The following PAPSS1 variants were observed in gnomAD, a reference collection of about 807,000 sequenced individuals.
PAPSS1 encodes the protein 3'-phosphoadenosine 5'-phosphosulfate synthase 1.
PAPSS1 carries 50 observed loss-of-function variants against 72.0 expected under a neutral mutation model. The ratio of observed to expected loss-of-function variants is 0.69; its 90% CI spans 0.55 to 0.88. The LOEUF (loss-of-function observed/expected upper bound fraction) is 0.88, where lower values mean the gene tolerates loss of function less well. Ranked by LOEUF, PAPSS1 falls within the 40% of genes least tolerant of loss-of-function variation. PAPSS1 has a pLI of 0.00. For missense variants in PAPSS1, 657 were observed against 782.2 expected, an observed-to-expected ratio of 0.84 and a Z score of 1.91; for synonymous variants, 261 against 263.6, an observed-to-expected ratio of 0.99 and a Z score of 0.09.
chr4:107,700,347 G>A (rs568401676), intron 2 of PAPSS1, among the ~76,000 whole-genome samples: 92 of 152,222 alleles, frequency 6.0e-4, no homozygotes, highest in African/African-American at 2.1e-3. Flanking sequence ...AGCATCCATC[G>A]TTTTTAAAGC....
At chr4:107,679,443 A>G (rs1187135371) in intron 5 of PAPSS1, among the ~76,000 whole-genome samples, 1 of 152,198 alleles carries the variant, frequency 6.6e-6, no homozygotes, top group Admixed American at 6.5e-5. Context: ...AGCCAAATCC[A>G]GCTGAGGGCT....
At chr4:107,622,577 G>A (rs1025042205) in intron 11 of PAPSS1, among the ~76,000 whole-genome samples, 1 of 152,194 alleles carries the variant, frequency 6.6e-6, no homozygotes, top group Non-Finnish European at 1.5e-5. Context: ...GTCATCTGTT[G>A]CATTACTGAT....
chr4:107,654,981 G>T (rs1167675141), intron 7 of PAPSS1, 81 bp from the exon 8 acceptor site: 29 of 983,750 alleles, frequency 2.9e-5, no homozygotes, highest in Non-Finnish European at 4.3e-5. Context: ...TCACTTCAGG[G>T]GACACTTTTC....
chr4:107,674,662 T>C (rs1727587739), intron 5 of PAPSS1, among the ~76,000 whole-genome samples: 1 of 152,066 alleles, frequency 6.6e-6, no homozygotes, highest in Non-Finnish European at 1.5e-5. Flanking sequence ...GGAATTGAAC[T>C]CAGCTCTGCA....
rs375259019 is a variant in PAPSS1 at position 107,635,334 on chromosome 4, AT to A, written c.1507-3475del. On this transcript the variant is annotated intron_variant, in intron 10 of 11. Coordinates refer to ENST00000265174, the MANE Select transcript of PAPSS1 (RefSeq NM_005443.5). The stretch of plus-strand genomic sequence containing the variant: ...AAAAAAATCTTAACTTTTATACTGT[AT>A]TTTATTCCCAAGCATTAATATGGTA... 4.9e-3 allele frequency among the ~76,000 whole-genome samples: 753 copies of A among 152,296 alleles called. 4 individuals carry two copies. The highest frequency in any genetic ancestry group is 0.011 in the South Asian group (54 of 4,826).
intron 5 of PAPSS1, among the ~76,000 whole-genome samples, chr4:107,661,396 G>A (rs977964660): frequency 6.6e-6 from 1 of 152,208 alleles, no homozygotes; most frequent in Non-Finnish European, 1.5e-5. Flanking sequence ...TGCACAGGGT[G>A]TTTAAAGCAG....
At chr4:107,625,619 G>T (rs916007963) in intron 11 of PAPSS1, among the ~76,000 whole-genome samples, 4 of 152,156 alleles carry the variant, frequency 2.6e-5, no homozygotes, top group African/African-American at 9.7e-5. Flanking sequence ...ACCCAACCTG[G>T]CCAGAGAACC....
rs1727036504 is a variant in PAPSS1 at position 107,657,143 on chromosome 4, A to G, written c.784-136T>C. On this transcript the variant is annotated intron_variant, in intron 6 of 11. Transcript: ENST00000265174. ...GGATGAGTATAGATTATACCAAACT[A>G]ACAAAGAATAAGGGCACTAGGAAAA... is the stretch of plus-strand genomic sequence containing the variant. 5 of 599,722 alleles carry G rather than the reference A, an allele frequency of 8.3e-6. No individual in the cohort carries two copies. In the East Asian group the frequency reaches 8.4e-5, roughly 10 times the overall value. The allele number at this position is 599,722 out of a possible 1,614,324, so 37.2% of individuals were successfully genotyped here. A position where few individuals can be genotyped will look rare whatever the true frequency, so the allele number is the denominator to read the frequency against.
intron 11 of PAPSS1, among the ~76,000 whole-genome samples, chr4:107,630,763 T>C (rs566286980): frequency 1.3e-5 from 2 of 152,300 alleles, no homozygotes; most frequent in East Asian, 3.9e-4. Flanking sequence ...TGAGCTGCCA[T>C]TTACTAGTCC....
chr4:107,672,335 C>T (rs532016851), intron 5 of PAPSS1, among the ~76,000 whole-genome samples: 1 of 152,204 alleles, frequency 6.6e-6, no homozygotes, highest in Non-Finnish European at 1.5e-5. Context: ...AGGGGTGACA[C>T]ACGGCACCTG....
Position 107,692,095 on chromosome 4 carries a change from G to A in PAPSS1, c.411+1676C>T, listed in dbSNP as rs115794494. On this transcript the variant is annotated intron_variant, in intron 3 of 11. Coordinates refer to ENST00000265174, the MANE Select transcript of PAPSS1 (RefSeq NM_005443.5). The stretch of plus-strand genomic sequence containing the variant: ...ACTCAAAACTATAAAAACCCTAGAC[G>A]AAAATCTAGGTAATACCATTCAGGA... Among the ~76,000 whole-genome samples, 1,244 of 152,214 alleles carry A rather than the reference G, an allele frequency of 8.2e-3. 7 individuals are homozygous for A. Among genetic ancestry groups the A allele is most frequent in the Non-Finnish European group, 0.014 (932 of 68,020 alleles).
chr4:107,697,658 C>A (rs1723102936), intron 2 of PAPSS1, among the ~76,000 whole-genome samples: 1 of 152,070 alleles, frequency 6.6e-6, no homozygotes. Flanking sequence ...TTATAGTCAA[C>A]AGAGCAGTCA....
At chr4:107,685,825 G>T (rs1352519973) in intron 4 of PAPSS1, among the ~76,000 whole-genome samples, 1 of 152,108 alleles carries the variant, frequency 6.6e-6, no homozygotes, top group Admixed American at 6.6e-5. Context: ...TGTTTTCAGG[G>T]CCAGAAACTG....
At chr4:107,626,562 CAG>C (rs1216488874) in intron 11 of PAPSS1, among the ~76,000 whole-genome samples, 1 of 152,186 alleles carries the variant, frequency 6.6e-6, no homozygotes, top group Non-Finnish European at 1.5e-5. Context: ...TAAATATAAA[CAG>C]ATGATTTTTA....
chr4:107,674,878 C>T (rs1727593396), intron 5 of PAPSS1, among the ~76,000 whole-genome samples: 1 of 152,186 alleles, frequency 6.6e-6, no homozygotes, highest in South Asian at 2.1e-4. Flanking sequence ...GATTAAGAAA[C>T]TCACTCAAAA....
Position 107,644,796 on chromosome 4 carries a change from G to T in PAPSS1, c.1506+6C>A. On this transcript the variant is annotated splice_donor_region_variant and intron_variant, in intron 10 of 11. Transcript: ENST00000265174. ...TGCTGCAGTGAAAATCTTACAAGCA[G>T]TCTACCTCAGTTGGTCCAGCATACA... 2 of 1,604,222 alleles carry T rather than the reference G, an allele frequency of 1.2e-6. No homozygotes were observed. Among genetic ancestry groups the T allele is most frequent in the Non-Finnish European group, 1.7e-6 (2 of 1,176,054 alleles).
intron 1 of PAPSS1, among the ~76,000 whole-genome samples, chr4:107,705,368 T>C (rs1474159867): frequency 6.6e-6 from 1 of 152,230 alleles, no homozygotes; most frequent in Non-Finnish European, 1.5e-5. Flanking sequence ...TAGTGAGTTC[T>C]CACAAGATTT....
intron 11 of PAPSS1, among the ~76,000 whole-genome samples, chr4:107,631,020 T>C (rs904144974): frequency 3.9e-5 from 6 of 152,154 alleles, no homozygotes; most frequent in Admixed American, 3.3e-4. Context: ...CACAAAATTA[T>C]GTAAAATATT....
intron 5 of PAPSS1, among the ~76,000 whole-genome samples, chr4:107,666,969 G>A (rs930372792): frequency 6.6e-6 from 1 of 152,158 alleles, no homozygotes; most frequent in African/African-American, 2.4e-5. Flanking sequence ...GAGTGCTGAG[G>A]AGAGGACTCT....
Sources: allele counts gnomAD v4.1 joint callset (sites outside exome capture counted in the v4.1 genomes callset), GRCh38; gene constraint gnomAD v4.1.1; transcripts MANE v1.5; gene names NCBI Gene and HGNC (gene_info 2026-07-23, HGNC 2026-07-21).